SORCS2: variants seen among roughly 807,000 people sequenced by gnomAD.
The protein encoded by SORCS2 is sortilin related VPS10 domain containing receptor 2.
A neutral mutation model predicts 141.6 loss-of-function variants in SORCS2; 100 were observed. The observed-to-expected ratio is 0.71, with a 90% CI of 0.60 to 0.83. The LOEUF is 0.83. SORCS2 is among the 40% of genes least tolerant of loss of function. The pLI, the probability that SORCS2 is intolerant of heterozygous loss-of-function variation, is 0.00. For missense variants in SORCS2, 1,646 were observed against 1,560.2 expected (o/e 1.05, Z -0.93); for synonymous variants, 789 against 676.9 (o/e 1.17, Z -2.57).
chr4:7,735,180 C>A (rs1011940515), intron 25 of SORCS2, among the ~76,000 whole-genome samples: 9 of 152,328 alleles, frequency 5.9e-5, no homozygotes, highest in African/African-American at 2.2e-4. Flanking sequence ...TTGTTTCTCC[C>A]CTGCCTGCTG....
rs937721151 is a variant in SORCS2 at position 7,556,279 on chromosome 4, C to A, written c.648+24650C>A. Among the ~76,000 whole-genome samples, 28 of 152,156 alleles carry A rather than the reference C, an allele frequency of 1.8e-4. No homozygotes were observed. In the East Asian group the frequency reaches 5.0e-3, roughly 27 times the overall value. ...GGAGGAAGAGTGGGCTTGTGAGGAC[C>A]CATAATGAGTTTCCTCTGAGGATGT... On this transcript the variant is annotated intron_variant, in intron 3 of 26. Transcript: ENST00000507866.
intron 8 of SORCS2, among the ~76,000 whole-genome samples, chr4:7,671,988 G>C (rs1016439105): frequency 1.2e-4 from 17 of 145,716 alleles, no homozygotes; most frequent in African/African-American, 4.3e-4. Flanking sequence ...CTGTCACCCA[G>C]GCTGGAGTTC....
At chr4:7,576,540 A>G (rs1715764212) in intron 3 of SORCS2, among the ~76,000 whole-genome samples, 1 of 152,178 alleles carries the variant, frequency 6.6e-6, no homozygotes, top group African/African-American at 2.4e-5. Context: ...AAAAGGTGAC[A>G]TTTGTGTTGG....
intron 1 of SORCS2, among the ~76,000 whole-genome samples, chr4:7,385,914 G>A (rs927489382): frequency 6.6e-6 from 1 of 152,194 alleles, no homozygotes; most frequent in Non-Finnish European, 1.5e-5. Flanking sequence ...CCAGCATCTA[G>A]TCTTCCCCTT....
At chr4:7,607,855 GTC>G (rs1390474415) in intron 3 of SORCS2, among the ~76,000 whole-genome samples, 2 of 152,086 alleles carry the variant, frequency 1.3e-5, no homozygotes, top group Non-Finnish European at 2.9e-5. Flanking sequence ...CCCCAGGGCT[GTC>G]TCTACCGCAT....
chr4:7,612,558 T>C (rs1305916452), intron 3 of SORCS2, among the ~76,000 whole-genome samples: 1 of 152,038 alleles, frequency 6.6e-6, no homozygotes, highest in Non-Finnish European at 1.5e-5. Context: ...GGGCCTCTAC[T>C]TGAACCCACT....
chr4:7,332,003 C>G (rs979982562), intron 1 of SORCS2, among the ~76,000 whole-genome samples: 9 of 152,198 alleles, frequency 5.9e-5, no homozygotes, highest in African/African-American at 1.7e-4. Context: ...AGCTAAGGCT[C>G]TTTCTGGGGG....
intron 3 of SORCS2, among the ~76,000 whole-genome samples, chr4:7,629,320 C>T (rs1321559979): frequency 2.6e-5 from 4 of 152,150 alleles, no homozygotes; most frequent in African/African-American, 4.8e-5. Flanking sequence ...CGGGAAGGGG[C>T]TCTCCGGAGC....
Position 7,432,685 on chromosome 4 carries a change from T to TG in SORCS2, c.548+36338dup, listed in dbSNP as rs72355702. On this transcript the variant is annotated intron_variant, in intron 2 of 26. Transcript: ENST00000507866. Reference sequence around the variant, plus strand: ...GAGGGACCCTGTAGTGGCTGAGACATGGGGGGGGACTGCTCCGAAGCCCAG... The same window carrying TG: ...GAGGGACCCTGTAGTGGCTGAGACATGGGGGGGGGACTGCTCCGAAGCCCAG... The TG allele has an allele frequency of 3.4e-4, 52 of 151,632 alleles. 1 individual carries two copies. Among genetic ancestry groups the TG allele is most frequent in the Middle Eastern group, 3.4e-3 (1 of 296 alleles). 9.4% of individuals were successfully genotyped at this position (151,632 alleles called of 1,614,324 possible).
At chr4:7,409,612 T>C (rs911435777) in intron 2 of SORCS2, among the ~76,000 whole-genome samples, 1 of 152,194 alleles carries the variant, frequency 6.6e-6, no homozygotes, top group African/African-American at 2.4e-5. Context: ...GGGAAGCTGG[T>C]TGTCCACCTC....
rs570512895 is a variant in SORCS2, at chr4:7,545,184, C to T, written c.648+13555C>T. ...CTCGAGCTTTTCAGAAAACAAGTCT[C>T]CTGAATCTCCTGCCCCTGGAACTAA... On this transcript the variant is annotated intron_variant, in intron 3 of 26. Transcript: ENST00000507866. Among the ~76,000 whole-genome samples the T allele has an allele frequency of 4.6e-5, 7 of 151,824 alleles. No homozygotes were observed. The East Asian group carries it at 1.2e-3, about 25-fold the overall frequency.
intron 1 of SORCS2, among the ~76,000 whole-genome samples, chr4:7,253,773 T>C (rs1308302913): frequency 6.6e-6 from 1 of 152,218 alleles, no homozygotes; most frequent in Non-Finnish European, 1.5e-5. Context: ...GCCCCTGCCT[T>C]GCAGGAGGGT....
chr4:7,390,442 C>G (rs114608476), intron 1 of SORCS2, among the ~76,000 whole-genome samples: 3 of 152,180 alleles, frequency 2.0e-5, no homozygotes, highest in Non-Finnish European at 2.9e-5. Flanking sequence ...GAGGCGATGC[C>G]GAGTGCTCCT....
chr4:7,285,189 C>T (rs990779657), intron 1 of SORCS2, among the ~76,000 whole-genome samples: 8 of 152,082 alleles, frequency 5.3e-5, no homozygotes, highest in Admixed American at 2.0e-4. Context: ...CCTGCCACCA[C>T]GCCTGGCTAA....
Position 7,741,331 on chromosome 4 carries a change from A to C in SORCS2, c.*1067A>C. 1 of 398,816 alleles carries C rather than the reference A, an allele frequency of 2.5e-6. No homozygotes were observed. The allele number at this position is 398,816 out of a possible 1,614,324, so 24.7% of individuals were successfully genotyped here. The stretch of plus-strand genomic sequence containing the variant: ...GAGGAGAGTAACTGAAGGTCACAGC[A>C]CGGTCACAGCAGAGGTGGCCGAACC... On this transcript the variant is annotated 3_prime_UTR_variant, in exon 27 of 27. Coordinates refer to ENST00000507866, the MANE Select transcript of SORCS2 (RefSeq NM_020777.3).
intron 3 of SORCS2, among the ~76,000 whole-genome samples, chr4:7,621,597 C>T (rs1004422853): frequency 3.3e-5 from 5 of 151,738 alleles, no homozygotes; most frequent in African/African-American, 7.3e-5. Context: ...ATGTGTGTGT[C>T]TATGTGTGTG....
intron 1 of SORCS2, among the ~76,000 whole-genome samples, chr4:7,395,400 G>GGGAGTGTTA (rs1239806930): frequency 1.3e-5 from 2 of 152,216 alleles, no homozygotes; most frequent in East Asian, 3.9e-4. Flanking sequence ...CCCTAGCCAT[G>GGGAGTGTTA]GGAGTGTTAG....
At chr4:7,608,070 A>G (rs1718173189) in intron 3 of SORCS2, among the ~76,000 whole-genome samples, 1 of 152,118 alleles carries the variant, frequency 6.6e-6, no homozygotes, top group African/African-American at 2.4e-5. Flanking sequence ...AGGCCTCCAC[A>G]GTGCCCAATA....
At chr4:7,328,738 G>A (rs1054919976) in intron 1 of SORCS2, among the ~76,000 whole-genome samples, 20 of 152,184 alleles carry the variant, frequency 1.3e-4, no homozygotes, top group African/African-American at 4.8e-4. Context: ...AAGGGGCCTT[G>A]GAGACAAGTC....
Sources: allele counts gnomAD v4.1 joint callset (sites outside exome capture counted in the v4.1 genomes callset), GRCh38; gene constraint gnomAD v4.1.1; transcripts MANE v1.5; gene names NCBI Gene and HGNC (gene_info 2026-07-23, HGNC 2026-07-21).